CFHR4: variants seen among roughly 807,000 people sequenced by gnomAD.
CFHR4 encodes complement factor H-related protein 4.
Under a neutral mutation model 69.3 loss-of-function variants are expected in CFHR4, and 64 were observed. That is an observed-to-expected ratio of 0.92 (90% CI 0.76 to 1.14). The LOEUF (loss-of-function observed/expected upper bound fraction) is 1.14. CFHR4 is among the 50% of genes most tolerant of loss of function. The pLI, the probability that CFHR4 is intolerant of heterozygous loss-of-function variation, is 0.00. For missense variants in CFHR4, 636 were observed against 684.9 expected, an observed-to-expected ratio of 0.93 and a Z score of 0.80; for synonymous variants, 244 against 237.0, an observed-to-expected ratio of 1.03 and a Z score of -0.27.
At chr1:196,907,131 TG>T in intron 4 of CFHR4, 94 bp downstream of exon 4, 1 of 1,276,526 alleles carries the variant, frequency 7.8e-7, no homozygotes, top group Non-Finnish European at 1.1e-6. Flanking sequence ...AATACATATG[TG>T]TACATATACA....
At chr1:196,894,280 GT>G (rs1474220935) in intron 1 of CFHR4, among the ~76,000 whole-genome samples, 1 of 151,386 alleles carries the variant, frequency 6.6e-6, no homozygotes. Context: ...GTTAATAATT[GT>G]TTTTCTAAAC....
intron 5 of CFHR4, among the ~76,000 whole-genome samples, chr1:196,909,727 T>A (rs1256056734): frequency 6.6e-6 from 1 of 151,372 alleles, no homozygotes; most frequent in Non-Finnish European, 1.5e-5. Flanking sequence ...GAACTGGGCT[T>A]AATACCTAGC....
In CFHR4 at chr1:196,911,607, A is replaced by G. The variant is rs534233787; in HGVS notation, c.997+1129A>G. Among the ~76,000 whole-genome samples the G allele has an allele frequency of 1.7e-3, 258 of 151,566 alleles. 8 individuals carry two copies. Among genetic ancestry groups the G allele is most frequent in the African/African-American group, 5.9e-3 (243 of 41,178 alleles). On this transcript the variant is annotated intron_variant, in intron 6 of 9. Transcript: ENST00000608469. ...TGTTTGTGTGTATTGCTTGCAATTT[A>G]CCAAACATTCCATTATAGAAACCAT...
At chr1:196,902,051 G>C (rs1323681062) in intron 1 of CFHR4, among the ~76,000 whole-genome samples, 2 of 151,404 alleles carry the variant, frequency 1.3e-5, no homozygotes, top group Non-Finnish European at 2.9e-5. Flanking sequence ...CTCTAGAGTT[G>C]GTCTGAGAAG....
chr1:196,914,435 T>G, intron 7 of CFHR4, 60 bp from the exon 8 acceptor site: 6 of 1,524,164 alleles, frequency 3.9e-6, no homozygotes, highest in Non-Finnish European at 5.3e-6. Context: ...TGGGACTTTC[T>G]TAGTTGAGTT....
At chr1:196,889,279 A>G (rs1656894815) in intron 1 of CFHR4, among the ~76,000 whole-genome samples, 1 of 151,444 alleles carries the variant, frequency 6.6e-6, no homozygotes, top group African/African-American at 2.4e-5. Context: ...GTGCAAAATC[A>G]ACCTTGATTT....
chr1:196,888,726 T>C (rs1656864046), intron 1 of CFHR4, among the ~76,000 whole-genome samples: 1 of 151,412 alleles, frequency 6.6e-6, no homozygotes, highest in Admixed American at 6.6e-5. Flanking sequence ...AATATGAATT[T>C]AATATTTCAA....
intron 5 of CFHR4, 149 bp downstream of exon 5, chr1:196,907,647 A>G (rs759008145): frequency 2.0e-5 from 13 of 643,482 alleles, no homozygotes; most frequent in Admixed American, 3.2e-5. Flanking sequence ...ATCTTAATAT[A>G]TAAGTGTATA....
rs1184659112 is a variant in CFHR4, at chr1:196,912,894, T to C, written c.1152T>C (p.Asn384=). 7 of 1,611,766 alleles carry C rather than the reference T, an allele frequency of 4.3e-6. No homozygotes were observed. The highest frequency in any genetic ancestry group is 5.9e-6 in the Non-Finnish European group (7 of 1,178,934). Residue 384 remains asparagine (N), a synonymous_variant, in exon 7 of 10, where the codon AAT becomes AAC. Transcript: ENST00000608469. ...NSSGSITCLQ[N]GWSAQPICIK... is the part of the protein sequence containing the mutation. ...CAGGTTCAATTACATGTTTGCAAAA[T>C]GGATGGTCAGCACAACCAATTTGCA...
rs1326376410 is a variant in CFHR4, at chr1:196,918,434, C to T, written c.*28C>T. Reference sequence around the variant, plus strand: ...CAGCATTGTTACCCTAAATGTATGTCCAACTTCCACTTCTCACTCTTATGG... The same window carrying T: ...CAGCATTGTTACCCTAAATGTATGTTCAACTTCCACTTCTCACTCTTATGG... On this transcript the variant is annotated 3_prime_UTR_variant, in exon 10 of 10. Transcript: ENST00000608469. 6.3e-7 allele frequency: 1 copy of T among 1,575,920 alleles called. No individual in the cohort carries two copies. The highest frequency in any genetic ancestry group is 1.7e-4 in the Middle Eastern group (1 of 5,982).
chr1:196,909,982 T>G (rs536670636), intron 5 of CFHR4, among the ~76,000 whole-genome samples: 1 of 150,956 alleles, frequency 6.6e-6, no homozygotes, highest in Non-Finnish European at 1.5e-5. Flanking sequence ...TAAAACTCTG[T>G]GTCTACTAAA....
At chr1:196,915,560 G>C (rs528327034) in intron 9 of CFHR4, among the ~76,000 whole-genome samples, 1 of 151,356 alleles carries the variant, frequency 6.6e-6, no homozygotes, top group African/African-American at 2.4e-5. Context: ...ATCTGAACCC[G>C]GGAGGCAGAG....
rs374494668 is a variant in CFHR4, at chr1:196,918,219, T to C, written c.1550T>C (p.Ile517Thr). 5.6e-6 allele frequency: 9 copies of C among 1,603,858 alleles called. No individual in the cohort carries two copies. In the African/African-American group the frequency reaches 9.4e-5, roughly 17 times the overall value. Residue 517 changes from isoleucine (I) to threonine (T), a missense_variant, in exon 10 of 10, where the codon ATA (isoleucine) becomes ACA (threonine). Ile to Thr is a moderately conservative substitution (Grantham distance 89). This residue lies in a region of CFHR4 where 85 missense variants were observed against 79.0 expected (regional missense o/e 1.08). Transcript: ENST00000608469. ...SEPPRCIHPC[I>T]ITEENMNKNN... is the part of the protein sequence containing the mutation. ...CTTTTTCTGCTTTCAGATCCATGTA[T>C]AATAACTGAAGAAAACATGAATAAA...
At chr1:196,914,406 G>A in intron 7 of CFHR4, 89 bp from the exon 8 acceptor site, 2 of 1,375,908 alleles carry the variant, frequency 1.5e-6, no homozygotes, top group South Asian at 3.1e-5. Context: ...ACACTGATTG[G>A]TAAATTTTAT....
chr1:196,895,519 A>G (rs561455659), intron 1 of CFHR4, among the ~76,000 whole-genome samples: 2 of 151,478 alleles, frequency 1.3e-5, no homozygotes, highest in South Asian at 4.2e-4. Context: ...TAAAATTGTT[A>G]ATTCTTTCAT....
chr1:196,913,872 A>G (rs530565690), intron 7 of CFHR4, among the ~76,000 whole-genome samples: 80 of 151,486 alleles, frequency 5.3e-4, no homozygotes, highest in South Asian at 1.9e-3. Flanking sequence ...CAATGTTACC[A>G]TGAGTTTTGG....
intron 1 of CFHR4, among the ~76,000 whole-genome samples, chr1:196,894,695 A>G (rs1657197689): frequency 6.6e-6 from 1 of 151,388 alleles, no homozygotes; most frequent in Admixed American, 6.6e-5. Context: ...AGAAATACTT[A>G]CCTGTGAGAA....
rs80010185 is a variant in CFHR4 at position 196,918,350 on chromosome 1, C to T, written c.1681C>T (p.Leu561=). 1.2e-6 allele frequency: 2 copies of T among 1,612,116 alleles called. No homozygotes were observed. The highest frequency in any genetic ancestry group is 1.3e-5 in the African/African-American group (1 of 74,442). ...GGGATATAATGCGAATACATCAGTT[C>T]TATCATTTCAAGCAGTGTGTAGGGA... ...KLGYNANTSV[L]SFQAVCREGI... Residue 561 remains leucine, a synonymous_variant, in exon 10 of 10, where the codon CTA becomes TTA. Transcript: ENST00000608469.
chr1:196,889,179 C>T (rs1280257142), intron 1 of CFHR4, among the ~76,000 whole-genome samples: 1 of 151,500 alleles, frequency 6.6e-6, no homozygotes, highest in African/African-American at 2.4e-5. Flanking sequence ...AGCCTCTCCT[C>T]TCAAAGCTAT....
Sources: allele counts gnomAD v4.1 joint callset (sites outside exome capture counted in the v4.1 genomes callset), GRCh38; gene constraint gnomAD v4.1.1; regional missense constraint gnomAD v4.1.1; transcripts MANE v1.5; gene names NCBI Gene and HGNC (gene_info 2026-07-23, HGNC 2026-07-21).